Variants in CLEC6A observed in about 807,000 individuals in gnomAD.
The protein encoded by CLEC6A is C-type lectin domain containing 6A.
In CLEC6A, 22 loss-of-function variants were observed where a neutral mutation model predicts 25.7. That is an observed-to-expected ratio of 0.85 (90% CI 0.61 to 1.22). The LOEUF is 1.22. Ranked by LOEUF, CLEC6A falls within the 50% of genes most tolerant of loss-of-function variation. The pLI is 0.00. For synonymous variants in CLEC6A, 92 were observed against 76.7 expected (o/e 1.20, Z -1.04); for missense variants, 240 against 236.8 (o/e 1.01, Z -0.09).
Position 8,465,627 on chromosome 12 carries a change from C to A in CLEC6A, c.367C>A (p.Gln123Lys). 1 of 1,605,254 alleles carries A rather than the reference C, an allele frequency of 6.2e-7. No homozygotes were observed. The highest frequency in any genetic ancestry group is 8.5e-7 in the Non-Finnish European group (1 of 1,176,800). Residue 123 changes from glutamine (Q) to lysine (K), a missense_variant and splice_region_variant, in exon 4 of 6, where the codon CAG (glutamine) becomes AAG (lysine). Physicochemically the swap from Gln to Lys is moderately conservative, Grantham distance 53 (BLOSUM62 1). Coordinates refer to ENST00000382073, the MANE Select transcript of CLEC6A (RefSeq NM_001007033.2). ...GGTTGTGTTCAACACAGAAGCAGAG[C>A]AGGTACTGTTTCCATTTAAAATTTA... ...HLVVFNTEAEQNFIVQQLNES... is the reference protein window; with the variant it reads ...HLVVFNTEAEKNFIVQQLNES...
At chr12:8,460,874 A>G in intron 3 of CLEC6A, 2 of 889,258 alleles carry the variant, frequency 2.2e-6, no homozygotes, top group Non-Finnish European at 3.8e-6. Flanking sequence ...AAGCCTGTCT[A>G]TCACGGTGTT....
intron 3 of CLEC6A, among the ~76,000 whole-genome samples, chr12:8,462,382 G>A (rs1357518501): frequency 7.4e-6 from 1 of 135,684 alleles, no homozygotes; most frequent in Admixed American, 7.7e-5. Flanking sequence ...ATTAGTATAA[G>A]AGGAAGGCAT....
At position 8,466,445 on chromosome 12, in the gene CLEC6A, T is replaced by C. The variant is rs139893958; in HGVS notation, c.369+816T>C. 4.0e-3 allele frequency among the ~76,000 whole-genome samples: 607 copies of C among 152,312 alleles called. 1 individual carries two copies. Among genetic ancestry groups the C allele is most frequent in the Non-Finnish European group, 6.7e-3 (454 of 68,024 alleles). ...ATCACAAGTTAGTTCTATTTTTAAT[T>C]TTTTGAGGAACCTTCATACTGTTTT... On this transcript the variant is annotated intron_variant, in intron 4 of 5. Transcript: ENST00000382073.
Position 8,477,541 on chromosome 12 carries a change from C to T in CLEC6A, c.*77C>T. The T allele has an allele frequency of 1.8e-6, 2 of 1,119,224 alleles. No homozygotes were observed. The highest frequency in any genetic ancestry group is 2.5e-6 in the Non-Finnish European group (2 of 789,842). 69.3% of individuals were successfully genotyped at this position (1,119,224 alleles called of 1,614,324 possible). A position where few individuals can be genotyped will look rare whatever the true frequency, so the allele number is the denominator to read the frequency against. On this transcript the variant is annotated 3_prime_UTR_variant, in exon 6 of 6. Transcript: ENST00000382073. ...TGACGTCTTTAAAATTGAACCCTAT[C>T]ATGAAATGATAATTTCTTCCTGAAT...
At chr12:8,461,279 A>G (rs1939750163) in intron 3 of CLEC6A, 1 of 566,444 alleles carries the variant, frequency 1.8e-6, no homozygotes, top group Admixed American at 3.0e-5. Flanking sequence ...AATTTAGGAC[A>G]GTCAAAAAAA....
At chr12:8,464,978 T>C (rs966929817) in intron 3 of CLEC6A, among the ~76,000 whole-genome samples, 3 of 152,232 alleles carry the variant, frequency 2.0e-5, no homozygotes, top group Admixed American at 2.0e-4. Flanking sequence ...ATTTCCATTT[T>C]AGAGATGGAA....
chr12:8,476,323 AT>A, intron 5 of CLEC6A, 83 bp downstream of exon 5: 1 of 780,578 alleles, frequency 1.3e-6, no homozygotes, highest in Non-Finnish European at 2.2e-6. Context: ...AATATTGGTA[AT>A]TATGATAACA....
chr12:8,464,466 C>A (rs1467698221), intron 3 of CLEC6A, among the ~76,000 whole-genome samples: 1 of 152,014 alleles, frequency 6.6e-6, no homozygotes, highest in East Asian at 1.9e-4. Flanking sequence ...AGTGCTGGGA[C>A]TAAAGGCGTC....
Position 8,465,635 on chromosome 12 carries a change from G to A in CLEC6A, c.369+6G>A. 6.3e-7 allele frequency: 1 copy of A among 1,595,536 alleles called. No individual in the cohort carries two copies. The highest frequency in any genetic ancestry group is 8.5e-7 in the Non-Finnish European group (1 of 1,173,120). ...TCAACACAGAAGCAGAGCAGGTACTGTTTCCATTTAAAATTTATTTAATTG... is the reference window on the plus strand; with the variant it reads ...TCAACACAGAAGCAGAGCAGGTACTATTTCCATTTAAAATTTATTTAATTG... On this transcript the variant is annotated splice_donor_region_variant and intron_variant, in intron 4 of 5. Coordinates refer to ENST00000382073, the MANE Select transcript of CLEC6A (RefSeq NM_001007033.2).
At chr12:8,460,993 A>C in intron 3 of CLEC6A, 1 of 1,242,388 alleles carries the variant, frequency 8.0e-7, no homozygotes, top group South Asian at 1.2e-5. Flanking sequence ...TGAAGATTCC[A>C]CATAAAAATT....
intron 4 of CLEC6A, among the ~76,000 whole-genome samples, chr12:8,475,476 C>A (rs1230320064): frequency 2.0e-5 from 3 of 151,808 alleles, no homozygotes; most frequent in Non-Finnish European, 4.4e-5. Context: ...AGTAGGAGAC[C>A]TAGAAAAGCT....
At chr12:8,467,802 A>C (rs1939853948) in intron 4 of CLEC6A, among the ~76,000 whole-genome samples, 1 of 152,180 alleles carries the variant, frequency 6.6e-6, no homozygotes, top group African/African-American at 2.4e-5. Context: ...ATCATTAAAC[A>C]TGAGATGTAT....
Position 8,477,333 on chromosome 12 carries a change from G to T in CLEC6A, c.499G>T (p.Gly167Cys). 6.2e-7 allele frequency: 1 copy of T among 1,609,660 alleles called. No homozygotes were observed. Among genetic ancestry groups the T allele is most frequent in the Non-Finnish European group, 8.5e-7 (1 of 1,177,818 alleles). The change falls in exon 6 of 6, where the codon GGT becomes TGT. Residue 167 changes from glycine (G) to cysteine (C), a missense_variant. By Grantham distance (159) the Gly-to-Cys change is radical. Transcript: ENST00000382073. ...YEKNVRFWHL[G>C]EPNHSAEQCA... Reference sequence around the variant, plus strand: ...GTTTTCCTTTAGATTTTGGCACCTAGGTGAGCCCAATCATTCTGCAGAGCA... The same window carrying T: ...GTTTTCCTTTAGATTTTGGCACCTATGTGAGCCCAATCATTCTGCAGAGCA...
At chr12:8,460,468 C>A in intron 3 of CLEC6A, 1 of 587,666 alleles carries the variant, frequency 1.7e-6, no homozygotes, top group Admixed American at 3.0e-5. Flanking sequence ...CAATTATCTC[C>A]CACAGGGTCC....
intron 5 of CLEC6A, among the ~76,000 whole-genome samples, chr12:8,477,080 A>G (rs200691854): frequency 1.2e-3 from 178 of 152,210 alleles, no homozygotes; most frequent in African/African-American, 4.1e-3. Context: ...AGATGATTGC[A>G]GCGGAAAGAT....
chr12:8,462,574 G>A (rs1294605908), intron 3 of CLEC6A, among the ~76,000 whole-genome samples: 3 of 140,332 alleles, frequency 2.1e-5, no homozygotes, highest in Admixed American at 7.4e-5. Context: ...AGATGTTTAT[G>A]TGTATGCATA....
intron 3 of CLEC6A, among the ~76,000 whole-genome samples, chr12:8,463,271 A>G (rs1170626730): frequency 6.6e-6 from 1 of 152,204 alleles, no homozygotes; most frequent in East Asian, 1.9e-4. Flanking sequence ...TCAGGACACA[A>G]TATCAAAACA....
rs977744279 is a variant in CLEC6A at position 8,471,054 on chromosome 12, A to G, written c.370-5071A>G. ...GTTTTATGCACCAATTGAGGTAATC[A>G]GGTGGTTTTTGTTCTTAATTTTCAT... On this transcript the variant is annotated intron_variant, in intron 4 of 5. Transcript: ENST00000382073. Among the ~76,000 whole-genome samples, 5 of 152,104 alleles carry G rather than the reference A, an allele frequency of 3.3e-5. No homozygotes were observed. In the East Asian group the frequency reaches 5.8e-4, roughly 18 times the overall value.
At chr12:8,473,604 T>C (rs1362192764) in intron 4 of CLEC6A, among the ~76,000 whole-genome samples, 1 of 152,150 alleles carries the variant, frequency 6.6e-6, no homozygotes, top group Non-Finnish European at 1.5e-5. Flanking sequence ...TAATGGGATT[T>C]CTGGGTTGAA....
Sources: allele counts gnomAD v4.1 joint callset (sites outside exome capture counted in the v4.1 genomes callset), GRCh38; gene constraint gnomAD v4.1.1; transcripts MANE v1.5; gene names NCBI Gene and HGNC (gene_info 2026-07-23, HGNC 2026-07-21).